LCMT1: variants seen among roughly 807,000 people sequenced by gnomAD.
LCMT1 encodes leucine carboxyl methyltransferase 1, also known as [Phosphatase 2A protein]-leucine-carboxy methyltransferase 1.
LCMT1 carries 32 observed loss-of-function variants against 47.7 expected under a neutral mutation model. The observed-to-expected ratio is 0.67, with a 90% CI of 0.51 to 0.90. LCMT1 has a LOEUF of 0.90. LCMT1 is among the 40% of genes least tolerant of loss of function. LCMT1 has a pLI of 0.00. For synonymous variants in LCMT1, 152 were observed against 149.7 expected (o/e 1.02, Z -0.11); for missense variants, 375 against 415.2 (o/e 0.90, Z 0.84).
chr16:25,116,357 T>C (rs144128384), intron 1 of LCMT1, among the ~76,000 whole-genome samples: 1 of 152,338 alleles, frequency 6.6e-6, no homozygotes, highest in Non-Finnish European at 1.5e-5. Context: ...TGGTATTCCG[T>C]GGGTGGCACA....
At chr16:25,115,853 T>C (rs1424172561) in intron 1 of LCMT1, among the ~76,000 whole-genome samples, 1 of 152,120 alleles carries the variant, frequency 6.6e-6, no homozygotes, top group Non-Finnish European at 1.5e-5. Context: ...AATTTTTGTA[T>C]TTTTAGTAGA....
At chr16:25,169,909 C>T (rs183398665) in intron 8 of LCMT1, among the ~76,000 whole-genome samples, 45 of 152,216 alleles carry the variant, frequency 3.0e-4, no homozygotes, top group African/African-American at 9.6e-4. Flanking sequence ...CCTCCCACCC[C>T]GCCCCCATAT....
At chr16:25,114,348 G>T (rs1335580706) in intron 1 of LCMT1, among the ~76,000 whole-genome samples, 1 of 152,116 alleles carries the variant, frequency 6.6e-6, no homozygotes, top group Non-Finnish European at 1.5e-5. Flanking sequence ...TTCAGAATTG[G>T]TAGTTAACAG....
intron 1 of LCMT1, among the ~76,000 whole-genome samples, chr16:25,118,986 T>C (rs1017507456): frequency 5.3e-5 from 8 of 152,108 alleles, no homozygotes; most frequent in South Asian, 2.1e-4. Context: ...TTTAATAGCA[T>C]TGCTTCAGCC....
chr16:25,164,828 C>A, intron 7 of LCMT1, 110 bp downstream of exon 7: 1 of 1,407,084 alleles, frequency 7.1e-7, no homozygotes, highest in Non-Finnish European at 1.0e-6. Flanking sequence ...TGCCTCCAGC[C>A]TCTCACATAT....
chr16:25,114,754 G>A (rs1168542385), intron 1 of LCMT1, among the ~76,000 whole-genome samples: 2 of 151,906 alleles, frequency 1.3e-5, no homozygotes, highest in African/African-American at 4.8e-5. Flanking sequence ...GCCCTCTCCC[G>A]TGGCTCCTCC....
chr16:25,169,040 G>C (rs1961670729), intron 7 of LCMT1, 72 bp from the exon 8 acceptor site: 2 of 1,100,236 alleles, frequency 1.8e-6, no homozygotes, highest in Admixed American at 3.4e-5. Context: ...TTAAAAATAG[G>C]ATGAATGATG....
chr16:25,142,148 T>C (rs1363731972), intron 4 of LCMT1: 1 of 152,286 alleles, frequency 6.6e-6, no homozygotes, highest in African/African-American at 2.4e-5. Flanking sequence ...AGGAACAGAA[T>C]ACCCCATGGG....
rs1238308790 is a variant in LCMT1 at position 25,177,991 on chromosome 16, C to T, written c.983-10C>T. The T allele has an allele frequency of 1.2e-6, 2 of 1,613,464 alleles. No homozygotes were observed. The highest frequency in any genetic ancestry group is 2.7e-5 in the African/African-American group (2 of 74,902). ...GTCTCCTAATGGTGTCTGTGTGTCT[C>T]TCCCCTCAGGGCTGAAGGAGATAAC... On this transcript the variant is annotated splice_polypyrimidine_tract_variant and intron_variant, in intron 10 of 10. Transcript: ENST00000399069.
chr16:25,162,859 T>C lies in LCMT1; in HGVS notation c.569+1655T>C, dbSNP rs1172462278. ...GTTTTTCTTTAAAATGTGATTATGC[T>C]ATGCGTATAATTTTGGAACTTTTTG... On this transcript the variant is annotated intron_variant, in intron 6 of 10. Transcript: ENST00000399069. 5.3e-5 allele frequency among the ~76,000 whole-genome samples: 7 copies of C among 131,658 alleles called. No homozygotes were observed. The South Asian group carries it at 1.9e-3, about 36-fold the overall frequency. The allele number at this position is 131,658 out of a possible 152,430, so 86.4% of individuals were successfully genotyped here.
intron 1 of LCMT1, among the ~76,000 whole-genome samples, chr16:25,118,041 C>G (rs117469743): frequency 2.1e-3 from 322 of 152,210 alleles, no homozygotes; most frequent in Non-Finnish European, 3.2e-3. Context: ...AACTATGGTA[C>G]TAGTCTCCCA....
At chr16:25,120,426 T>C (rs950195049) in intron 1 of LCMT1, among the ~76,000 whole-genome samples, 7 of 150,528 alleles carry the variant, frequency 4.7e-5, no homozygotes, top group African/African-American at 7.3e-5. Flanking sequence ...TTTTTTTTTC[T>C]TTTTCTTTTT....
chr16:25,175,732 G>T (rs1961911772), intron 10 of LCMT1, among the ~76,000 whole-genome samples: 1 of 152,086 alleles, frequency 6.6e-6, no homozygotes, highest in South Asian at 2.1e-4. Flanking sequence ...TGCCTGGCCG[G>T]AACTTTTCTT....
At chr16:25,123,514 C>G (rs796992255) in intron 1 of LCMT1, among the ~76,000 whole-genome samples, 1 of 150,904 alleles carries the variant, frequency 6.6e-6, no homozygotes, top group African/African-American at 2.4e-5. Context: ...CGTGAGCCAC[C>G]GCACTCAGCC....
chr16:25,133,983 G>T (rs1218781820), intron 3 of LCMT1, among the ~76,000 whole-genome samples: 1 of 147,972 alleles, frequency 6.8e-6, no homozygotes, highest in Non-Finnish European at 1.5e-5. Context: ...AGTGAGTCGA[G>T]ATCATGCCAC....
intron 4 of LCMT1, chr16:25,143,694 A>G (rs1960764286): frequency 6.6e-6 from 1 of 152,070 alleles, no homozygotes; most frequent in Non-Finnish European, 1.5e-5. Flanking sequence ...AAGAAGGGGG[A>G]ATTGGATGGG....
At chr16:25,145,382 G>T (rs763072410) in intron 4 of LCMT1, 2 of 152,212 alleles carry the variant, frequency 1.3e-5, no homozygotes, top group Non-Finnish European at 2.9e-5. Flanking sequence ...TTCCCAAAAA[G>T]GTGGGGGCCT....
At chr16:25,164,334 A>G (rs1026276883) in intron 6 of LCMT1, among the ~76,000 whole-genome samples, 2 of 152,034 alleles carry the variant, frequency 1.3e-5, no homozygotes, top group African/African-American at 4.8e-5. Context: ...AGAACTTGAA[A>G]CCATTTTTAC....
At chr16:25,121,098 G>C (rs975694083) in intron 1 of LCMT1, among the ~76,000 whole-genome samples, 4 of 151,240 alleles carry the variant, frequency 2.6e-5, no homozygotes, top group Admixed American at 6.6e-5. Flanking sequence ...TAAATTTTGG[G>C]ATGTGTTTGC....
Sources: gnomAD v4.1 joint callset for allele counts (sites outside exome capture counted in the v4.1 genomes callset) on GRCh38, gnomAD v4.1.1 for gene constraint, MANE v1.5 for transcripts, NCBI Gene and HGNC (gene_info 2026-07-23, HGNC 2026-07-21) for gene names.